The following CAPN11 variants were observed in gnomAD, a reference collection of about 807,000 sequenced individuals.
CAPN11 encodes calpain-11.
Under a neutral mutation model 105.3 loss-of-function variants are expected in CAPN11, and 108 were observed. The ratio of observed to expected loss-of-function variants is 1.03; its 90% CI spans 0.88 to 1.20. The LOEUF (loss-of-function observed/expected upper bound fraction) is 1.20, where lower values mean the gene tolerates loss of function less well. CAPN11 is among the 50% of genes most tolerant of loss of function. CAPN11 has a pLI of 0.00. For missense variants in CAPN11, 883 were observed against 924.8 expected, an observed-to-expected ratio of 0.95 and a Z score of 0.59; for synonymous variants, 329 against 344.5, an observed-to-expected ratio of 0.96 and a Z score of 0.50.
chr6:44,181,003 C>G lies in CAPN11; in HGVS notation c.1869+6C>G. The G allele has an allele frequency of 1.2e-6, 2 of 1,612,278 alleles. No individual in the cohort carries two copies. Among genetic ancestry groups the G allele is most frequent in the Admixed American group, 3.3e-5 (2 of 60,002 alleles). ...GCATGATCAACCTCATGGATGTATC[C>G]TCCTGTCCAGTGCTCTCTTGGCCCT... On this transcript the variant is annotated splice_donor_region_variant and intron_variant, in intron 18 of 22. Transcript: ENST00000398776.
At position 44,176,995 on chromosome 6, in the gene CAPN11, C is replaced by T. The variant is rs781175370; in HGVS notation, c.1234C>T (p.Pro412Ser). Reference protein sequence around the residue: ...GSSAGGCRNHPGTFWTNPQFK... With the variant: ...GSSAGGCRNHSGTFWTNPQFK... ...CTCCGCAGGGGGCTGCAGGAACCAC[C>T]CTGGTGGGTGAGGGGTGAGAGGGGA... The change falls in exon 11 of 23, where the codon CCT becomes TCT. Residue 412 changes from proline (P) to serine (S), a missense_variant. Transcript: ENST00000398776. The T allele has an allele frequency of 6.2e-7, 1 of 1,610,126 alleles. No individual in the cohort carries two copies. The highest frequency in any genetic ancestry group is 1.1e-5 in the South Asian group (1 of 90,982).
chr6:44,180,147 A>G lies in CAPN11; in HGVS notation c.1624A>G (p.Lys542Glu), dbSNP rs2128312406. 6.2e-7 allele frequency: 1 copy of G among 1,611,608 alleles called. No individual in the cohort carries two copies. Residue 542 changes from lysine (K) to glutamate (E), a missense_variant, in exon 14 of 23, where the codon AAG (lysine) becomes GAG (glutamate). Coordinates refer to ENST00000398776, the MANE Select transcript of CAPN11 (RefSeq NM_007058.4). ...ADFLLRVFTE[K>E]HSESWELDEV... ...CTTCCTGCTTCGGGTCTTCACCGAG[A>G]AGCACAGCGAGTCATGGTAAGGGGC... is the stretch of plus-strand genomic sequence containing the variant.
At chr6:44,182,426 A>G (rs1291213487) in intron 19 of CAPN11, among the ~76,000 whole-genome samples, 1 of 152,194 alleles carries the variant, frequency 6.6e-6, no homozygotes, top group East Asian at 1.9e-4. Flanking sequence ...TCATCTAGTC[A>G]TGAAGGATGC....
chr6:44,181,542 C>A (rs1561854173), intron 19 of CAPN11, among the ~76,000 whole-genome samples: 1 of 102,370 alleles, frequency 9.8e-6, no homozygotes, highest in East Asian at 4.0e-4. Flanking sequence ...CACACTCACA[C>A]ACACACACAC....
At chr6:44,165,143 C>T (rs112049798) in intron 1 of CAPN11, among the ~76,000 whole-genome samples, 7,902 of 152,244 alleles carry the variant, frequency 0.052, 250 homozygotes, top group Middle Eastern at 0.092. Context: ...CCTGCCTCAG[C>T]CTCCAAAAGT....
intron 5 of CAPN11, 150 bp downstream of exon 5, chr6:44,172,570 G>T: frequency 3.3e-6 from 2 of 600,772 alleles, no homozygotes; most frequent in South Asian, 2.2e-5. Flanking sequence ...GCCCACCAAA[G>T]AAATCATGTA....
intron 7 of CAPN11, among the ~76,000 whole-genome samples, chr6:44,175,346 G>A (rs1379673316): frequency 6.6e-6 from 1 of 152,090 alleles, no homozygotes; most frequent in Non-Finnish European, 1.5e-5. Flanking sequence ...TGGGCATGGT[G>A]GCAAGAGCCT....
At chr6:44,179,255 A>C (rs1038261741) in intron 12 of CAPN11, among the ~76,000 whole-genome samples, 1 of 152,074 alleles carries the variant, frequency 6.6e-6, no homozygotes, top group Non-Finnish European at 1.5e-5. Flanking sequence ...TGGAATGATA[A>C]AAATCTACCT....
chr6:44,160,890 A>C (rs1768662745), intron 1 of CAPN11, among the ~76,000 whole-genome samples: 1 of 152,232 alleles, frequency 6.6e-6, no homozygotes. Flanking sequence ...TATTATGGTT[A>C]ACTGCTTACT....
In CAPN11 at chr6:44,180,629, C is replaced by T. The variant is rs777362175; in HGVS notation, c.1713C>T (p.Asp571=). The change falls in exon 16 of 23, where the codon GAC becomes GAT. Residue 571 remains aspartate (D), a synonymous_variant. Transcript: ENST00000398776. ...EKVSEDDMDQ[D]FLHLFKIVAG... ...TCTCTGAGGATGACATGGACCAGGA[C>T]TTCCTACATTTGTTTAAGATAGTGG... is the stretch of plus-strand genomic sequence containing the variant. 1.2e-6 allele frequency: 2 copies of T among 1,613,752 alleles called. No individual in the cohort carries two copies. Among genetic ancestry groups the T allele is most frequent in the East Asian group, 4.5e-5 (2 of 44,842 alleles).
chr6:44,177,676 G>A lies in CAPN11; in HGVS notation c.1416+256G>A, dbSNP rs377260277. On this transcript the variant is annotated intron_variant, in intron 12 of 22. Transcript: ENST00000398776. The stretch of plus-strand genomic sequence containing the variant: ...TAATTTTTGTATTTTTAGTAGAGAC[G>A]GGGTTTCACCATGTTGGCTAGGCTG... 119 of 416,282 alleles carry A rather than the reference G, an allele frequency of 2.9e-4. 1 individual carries two copies. The East Asian group carries it at 3.7e-3, about 13-fold the overall frequency. The allele number at this position is 416,282 out of a possible 1,614,324, so 25.8% of individuals were successfully genotyped here. A position where few individuals can be genotyped will look rare whatever the true frequency, so the allele number is the denominator to read the frequency against.
rs1771172975 is a variant in CAPN11 at position 44,172,439 on chromosome 6, G to A, written c.528+19G>A. 2 of 1,424,568 alleles carry A rather than the reference G, an allele frequency of 1.4e-6. No individual in the cohort carries two copies. The highest frequency in any genetic ancestry group is 1.2e-5 in the South Asian group (1 of 80,234). 88.2% of individuals were successfully genotyped at this position (1,424,568 alleles called of 1,614,324 possible). Reference sequence around the variant, plus strand: ...TTTTCAGGTGAAGGACAGTGTGAGAGCCACTGTGGCTTTGTTGGGGGCGGG... The same window carrying A: ...TTTTCAGGTGAAGGACAGTGTGAGAACCACTGTGGCTTTGTTGGGGGCGGG... On this transcript the variant is annotated intron_variant, in intron 5 of 22. Coordinates refer to ENST00000398776, the MANE Select transcript of CAPN11 (RefSeq NM_007058.4).
At chr6:44,179,662 T>C in intron 13 of CAPN11, 32 bp downstream of exon 13, 1 of 1,609,534 alleles carries the variant, frequency 6.2e-7, no homozygotes, top group Non-Finnish European at 8.5e-7. Flanking sequence ...GGCTTGTTCC[T>C]GGACACATAC....
intron 12 of CAPN11, 200 bp downstream of exon 12, chr6:44,177,620 TG>T (rs1330440535): frequency 1.7e-6 from 1 of 578,714 alleles, no homozygotes; most frequent in Non-Finnish European, 3.1e-6. Flanking sequence ...TCCCAGTAGC[TG>T]GATTACAGAC....
In CAPN11 at chr6:44,182,304, C is replaced by T. The variant is rs1271173450; in HGVS notation, c.1939-637C>T. Among the ~76,000 whole-genome samples, 108 of 143,114 alleles carry T rather than the reference C, an allele frequency of 7.5e-4. 1 individual carries two copies. The highest frequency in any genetic ancestry group is 1.1e-3 in the South Asian group (5 of 4,362). 93.9% of individuals were successfully genotyped at this position (143,114 alleles called of 152,430 possible). On this transcript the variant is annotated intron_variant, in intron 19 of 22. Transcript: ENST00000398776. ...ACCACACCACACACACACACACACA[C>T]ACACACACTCACATACAGACACAAC...
Position 44,172,457 on chromosome 6 carries a change from G to A in CAPN11, c.528+37G>A, listed in dbSNP as rs566775227. 146 of 1,280,282 alleles carry A rather than the reference G, an allele frequency of 1.1e-4. 2 individuals are homozygous for A. In the South Asian group the frequency reaches 1.9e-3, roughly 16 times the overall value. 79.3% of individuals were successfully genotyped at this position (1,280,282 alleles called of 1,614,324 possible). A position where few individuals can be genotyped will look rare whatever the true frequency, so the allele number is the denominator to read the frequency against. On this transcript the variant is annotated intron_variant, in intron 5 of 22. Transcript: ENST00000398776. ...TGTGAGAGCCACTGTGGCTTTGTTGGGGGCGGGGGAAGAATCATATATGCT... is the reference window on the plus strand; with the variant it reads ...TGTGAGAGCCACTGTGGCTTTGTTGAGGGCGGGGGAAGAATCATATATGCT...
At chr6:44,168,000 C>A (rs1310542327) in intron 2 of CAPN11, among the ~76,000 whole-genome samples, 2 of 151,538 alleles carry the variant, frequency 1.3e-5, no homozygotes, top group Non-Finnish European at 2.9e-5. Flanking sequence ...GACCAGCCAA[C>A]ATGGCAAGAC....
intron 19 of CAPN11, among the ~76,000 whole-genome samples, chr6:44,182,418 A>G (rs893615892): frequency 6.6e-6 from 1 of 152,200 alleles, no homozygotes; most frequent in African/African-American, 2.4e-5. Flanking sequence ...CTCAGGTATC[A>G]TCTAGTCATG....
rs769775432 is a variant in CAPN11 at position 44,176,857 on chromosome 6, C to G, written c.1096C>G (p.Leu366Val). 1 of 1,613,948 alleles carries G rather than the reference C, an allele frequency of 6.2e-7. No individual in the cohort carries two copies. The highest frequency in any genetic ancestry group is 1.1e-5 in the South Asian group (1 of 91,090). Residue 366 changes from leucine (L) to valine (V), a missense_variant, in exon 11 of 23, where the codon CTG becomes GTG. By Grantham distance (32) the Leu-to-Val change is conservative (BLOSUM62 1). Transcript: ENST00000398776. Reference protein sequence around the residue: ...GEFWMSYQDFLNNFTLLEICN... With the variant: ...GEFWMSYQDFVNNFTLLEICN... Reference sequence around the variant, plus strand: ...CCACAGGATGTCCTACCAAGATTTCCTGAACAACTTCACGCTCCTGGAGAT... The same window carrying G: ...CCACAGGATGTCCTACCAAGATTTCGTGAACAACTTCACGCTCCTGGAGAT...
Sources: allele counts gnomAD v4.1 joint callset (sites outside exome capture counted in the v4.1 genomes callset), GRCh38; gene constraint gnomAD v4.1.1; transcripts MANE v1.5; gene names NCBI Gene and HGNC (gene_info 2026-07-23, HGNC 2026-07-21).